Variants in GPC6 observed in about 807,000 individuals in gnomAD.
GPC6 encodes the protein glypican 6.
Under a neutral mutation model 55.2 loss-of-function variants are expected in GPC6, and 14 were observed. The observed-to-expected ratio is 0.25, with a 90% CI of 0.17 to 0.40. GPC6 has a LOEUF of 0.40. GPC6 is among the 10% of genes least tolerant of loss of function. GPC6 has a pLI of 1.00. For missense variants in GPC6, 641 were observed against 708.5 expected, an observed-to-expected ratio of 0.90 and a Z score of 1.08; for synonymous variants, 278 against 259.6, an observed-to-expected ratio of 1.07 and a Z score of -0.68.
At chr13:93,564,366 A>G (rs2139463137) in intron 2 of GPC6, among the ~76,000 whole-genome samples, 1 of 152,244 alleles carries the variant, frequency 6.6e-6, no homozygotes, top group South Asian at 2.1e-4. Context: ...ATGGTATTTG[A>G]TTTGGGGAAT....
intron 1 of GPC6, among the ~76,000 whole-genome samples, chr13:93,520,783 T>C (rs2139398961): frequency 6.7e-6 from 1 of 149,614 alleles, no homozygotes; most frequent in East Asian, 2.0e-4. Flanking sequence ...GGAGATGACA[T>C]AATAAACTTA....
intron 1 of GPC6, among the ~76,000 whole-genome samples, chr13:93,328,446 C>T (rs965554479): frequency 2.6e-5 from 4 of 151,936 alleles, no homozygotes; most frequent in African/African-American, 9.7e-5. Context: ...GACTGAGGCA[C>T]AAGGATCGCT....
At chr13:94,314,255 C>T (rs1174583022) in intron 6 of GPC6, among the ~76,000 whole-genome samples, 1 of 152,002 alleles carries the variant, frequency 6.6e-6, no homozygotes, top group African/African-American at 2.4e-5. Context: ...ATTGACTATG[C>T]CAAAAAAGAA....
At chr13:93,289,532 G>T (rs1231932189) in intron 1 of GPC6, among the ~76,000 whole-genome samples, 1 of 152,072 alleles carries the variant, frequency 6.6e-6, no homozygotes, top group Non-Finnish European at 1.5e-5. Context: ...TTTATATGTA[G>T]TATATAAATA....
rs149230922 is a variant in GPC6, at chr13:94,272,845, G to A, written c.878-13504G>A. Among the ~76,000 whole-genome samples the A allele has an allele frequency of 4.2e-4, 64 of 152,108 alleles. No individual in the cohort carries two copies. The East Asian group carries it at 0.011, about 26-fold the overall frequency. ...TGATGGAGTAGAAAGATACCTGGCC[G>A]AAAGACAGAGACTCAGGCCACGGTC... On this transcript the variant is annotated intron_variant, in intron 4 of 8. Transcript: ENST00000377047.
intron 1 of GPC6, among the ~76,000 whole-genome samples, chr13:93,272,290 A>G (rs1877557343): frequency 6.6e-6 from 1 of 152,022 alleles, no homozygotes; most frequent in African/African-American, 2.4e-5. Flanking sequence ...AGATTTACCA[A>G]ATGAATAAGA....
At chr13:94,274,280 A>G (rs567654122) in intron 4 of GPC6, among the ~76,000 whole-genome samples, 1 of 152,234 alleles carries the variant, frequency 6.6e-6, no homozygotes, top group African/African-American at 2.4e-5. Flanking sequence ...GAATTAATTT[A>G]GTTTGTATAT....
intron 1 of GPC6, among the ~76,000 whole-genome samples, chr13:93,520,605 A>G (rs1881376620): frequency 6.6e-6 from 1 of 151,956 alleles, no homozygotes. Flanking sequence ...AGTCTTTTAA[A>G]AATATAATTA....
intron 4 of GPC6, among the ~76,000 whole-genome samples, chr13:94,092,859 G>C (rs2138814347): frequency 6.6e-6 from 1 of 152,148 alleles, no homozygotes; most frequent in African/African-American, 2.4e-5. Flanking sequence ...ATTTTGATTT[G>C]TATTTCCCTG....
At chr13:94,219,799 A>AT (rs1304313444) in intron 4 of GPC6, among the ~76,000 whole-genome samples, 1 of 152,064 alleles carries the variant, frequency 6.6e-6, no homozygotes, top group East Asian at 1.9e-4. Context: ...AAGACTTTAA[A>AT]TTTTACCATT....
chr13:93,524,769 C>G (rs937046911), intron 1 of GPC6, among the ~76,000 whole-genome samples: 18 of 152,020 alleles, frequency 1.2e-4, no homozygotes, highest in Non-Finnish European at 2.2e-4. Flanking sequence ...TGGGCTGATG[C>G]TATTACAATC....
At chr13:93,960,765 C>T (rs1879730381) in intron 3 of GPC6, among the ~76,000 whole-genome samples, 1 of 151,548 alleles carries the variant, frequency 6.6e-6, no homozygotes, top group Non-Finnish European at 1.5e-5. Context: ...GATTATTTGA[C>T]ATCATGCAGA....
At chr13:94,083,762 T>C (rs1303851067) in intron 4 of GPC6, among the ~76,000 whole-genome samples, 1 of 152,194 alleles carries the variant, frequency 6.6e-6, no homozygotes, top group Non-Finnish European at 1.5e-5. Context: ...ACAGCTTTAA[T>C]AGGAAGACAG....
At chr13:94,042,133 G>T (rs777061384) in intron 4 of GPC6, among the ~76,000 whole-genome samples, 11 of 151,684 alleles carry the variant, frequency 7.3e-5, no homozygotes, top group Middle Eastern at 3.4e-3. Flanking sequence ...CCTGAGATTT[G>T]GTTGTTTAAA....
chr13:93,231,346 C>CATATATATATACGTAT (rs1876011401), intron 1 of GPC6, among the ~76,000 whole-genome samples: 1 of 24,176 alleles, frequency 4.1e-5, no homozygotes, highest in African/African-American at 1.7e-4. Context: ...TATATATATA[C>CATATATATATACGTAT]ATATATATAT....
At chr13:93,865,769 AGTCC>A (rs1888947390) in intron 3 of GPC6, among the ~76,000 whole-genome samples, 1 of 151,738 alleles carries the variant, frequency 6.6e-6, no homozygotes, top group Non-Finnish European at 1.5e-5. Context: ...CAAAGGCAGG[AGTCC>A]ATTAATTTTA....
intron 2 of GPC6, among the ~76,000 whole-genome samples, chr13:93,822,267 C>A (rs1260550070): frequency 6.6e-6 from 1 of 151,914 alleles, no homozygotes; most frequent in Admixed American, 6.6e-5. Context: ...CTTTTGTAAG[C>A]CAGTCACTGT....
At chr13:93,538,827 T>G (rs1882168631) in intron 1 of GPC6, among the ~76,000 whole-genome samples, 1 of 152,196 alleles carries the variant, frequency 6.6e-6, no homozygotes, top group African/African-American at 2.4e-5. Context: ...GCACTGCCCT[T>G]AACATCTATT....
At chr13:93,578,609 T>G (rs1876783928) in intron 2 of GPC6, among the ~76,000 whole-genome samples, 1 of 151,534 alleles carries the variant, frequency 6.6e-6, no homozygotes, top group South Asian at 2.1e-4. Context: ...TTGTTGATTT[T>G]TGTTTATCTT....
Sources: allele counts gnomAD v4.1 joint callset (sites outside exome capture counted in the v4.1 genomes callset), GRCh38; gene constraint gnomAD v4.1.1; transcripts MANE v1.5; gene names NCBI Gene and HGNC (gene_info 2026-07-23, HGNC 2026-07-21).